The following PDGFRB variants were observed in gnomAD, a reference collection of about 807,000 sequenced individuals.
PDGFRB encodes platelet derived growth factor receptor beta.
PDGFRB carries 42 observed loss-of-function variants against 120.2 expected under a neutral mutation model. That is an observed-to-expected ratio of 0.35 (90% CI 0.27 to 0.45). The LOEUF (loss-of-function observed/expected upper bound fraction) is 0.45, where lower values mean the gene tolerates loss of function less well. PDGFRB is among the 20% of genes least tolerant of loss of function. The pLI is 1.00. For synonymous variants in PDGFRB, 586 were observed against 606.8 expected (o/e 0.97, Z 0.50); for missense variants, 1,149 against 1,476.3 (o/e 0.78, Z 3.63).
chr5:150,143,916 G>A (rs1045952972), intron 1 of PDGFRB, among the ~76,000 whole-genome samples: 3 of 152,068 alleles, frequency 2.0e-5, no homozygotes, highest in South Asian at 2.1e-4. Flanking sequence ...AGAGCAGCCC[G>A]GCGCAGCCCA....
chr5:150,135,987 C>T, intron 2 of PDGFRB, 109 bp from the exon 3 acceptor site: 1 of 676,616 alleles, frequency 1.5e-6, no homozygotes, highest in Non-Finnish European at 2.4e-6. Context: ...CCTTGAGGAG[C>T]ACAGCTCCTT....
chr5:150,121,369 G>T lies in PDGFRB; in HGVS notation c.2345-47C>A, dbSNP rs553040426. 7 of 894,326 alleles carry T rather than the reference G, an allele frequency of 7.8e-6. No individual in the cohort carries two copies. Among genetic ancestry groups the T allele is most frequent in the African/African-American group, 3.3e-5 (2 of 61,322 alleles). The allele number at this position is 894,326 out of a possible 1,614,324, so 55.4% of individuals were successfully genotyped here. ...ACCTGCTATCTTATATCTCCTTCTGGCCCACAGGACCCCTGCCCTTTGGCT... is the reference window on the plus strand; with the variant it reads ...ACCTGCTATCTTATATCTCCTTCTGTCCCACAGGACCCCTGCCCTTTGGCT... On this transcript the variant is annotated intron_variant, in intron 16 of 22. Transcript: ENST00000261799. The surrounding 1 kb of genome is among the most constrained non-coding windows in gnomAD (Gnocchi z 4.1).
chr5:150,131,349 G>A (rs1371051748), intron 8 of PDGFRB, among the ~76,000 whole-genome samples: 7 of 152,060 alleles, frequency 4.6e-5, no homozygotes, highest in African/African-American at 7.2e-5. Context: ...TGCACTGCCC[G>A]AGGTACCCTT....
intron 21 of PDGFRB, among the ~76,000 whole-genome samples, chr5:150,118,252 G>A (rs246393): frequency 2.0e-5 from 3 of 152,108 alleles, no homozygotes; most frequent in Non-Finnish European, 2.9e-5. Flanking sequence ...GTGAGAAATG[G>A]ACCCAAAGAA....
At chr5:150,145,181 C>T (rs1478301121) in intron 1 of PDGFRB, among the ~76,000 whole-genome samples, 1 of 152,240 alleles carries the variant, frequency 6.6e-6, no homozygotes, top group Non-Finnish European at 1.5e-5. Flanking sequence ...TGATCTACTT[C>T]CACTTAATAT....
At chr5:150,117,541 C>T (rs909122253) in intron 22 of PDGFRB, 77 bp downstream of exon 22, 58 of 493,844 alleles carry the variant, frequency 1.2e-4, no homozygotes, top group Admixed American at 1.7e-4. Flanking sequence ...CGCGCGCGCG[C>T]GCGCACACAC....
At chr5:150,130,484 G>T in intron 9 of PDGFRB, 55 bp downstream of exon 9, 1 of 1,576,554 alleles carries the variant, frequency 6.3e-7, no homozygotes, top group South Asian at 1.1e-5. Context: ...TAACCTTCAC[G>T]AGCTTTTTCT....
At chr5:150,137,079 C>A in intron 1 of PDGFRB, 26 bp from the exon 2 acceptor site, 1 of 1,606,574 alleles carries the variant, frequency 6.2e-7, no homozygotes, top group South Asian at 1.1e-5. Context: ...GGAGTCAGGG[C>A]CCAGGGCAGG....
intron 10 of PDGFRB, among the ~76,000 whole-genome samples, chr5:150,128,894 T>C (rs753399108): frequency 6.6e-6 from 1 of 152,102 alleles, no homozygotes; most frequent in Non-Finnish European, 1.5e-5. Flanking sequence ...CAATGAGAAG[T>C]TGGGTCCTCA....
rs1273496275 is a variant in PDGFRB at position 150,155,500 on chromosome 5, G to A, written c.-110C>T. The stretch of plus-strand genomic sequence containing the variant: ...CCCTCTCCCAGTTATCAGAAAGACT[G>A]CTGGTCCCAGAGTGGGTAACAGCTG... On this transcript the variant is annotated 5_prime_UTR_variant, in exon 1 of 23. Coordinates refer to ENST00000261799, the MANE Select transcript of PDGFRB (RefSeq NM_002609.4). The A allele has an allele frequency of 2.5e-6, 1 of 398,390 alleles. No individual in the cohort carries two copies. The highest frequency in any genetic ancestry group is 4.4e-6 in the Non-Finnish European group (1 of 226,040). 24.7% of individuals were successfully genotyped at this position (398,390 alleles called of 1,614,324 possible).
chr5:150,134,690 A>G (rs776297618), intron 4 of PDGFRB, 60 bp downstream of exon 4: 1 of 1,492,072 alleles, frequency 6.7e-7, no homozygotes, highest in South Asian at 1.3e-5. Flanking sequence ...GTAAAGGGCT[A>G]TTCCTCTGTG....
At chr5:150,130,111 C>T (rs1008309773) in intron 9 of PDGFRB, 143 bp from the exon 10 acceptor site, 1 of 684,244 alleles carries the variant, frequency 1.5e-6, no homozygotes, top group South Asian at 1.7e-5. Flanking sequence ...TCCTGTGCTC[C>T]CTCTACTGGT....
At chr5:150,133,530 G>T in intron 6 of PDGFRB, 56 bp downstream of exon 6, 2 of 1,442,508 alleles carry the variant, frequency 1.4e-6, no homozygotes, top group Non-Finnish European at 1.9e-6. Context: ...AGCAAAGTGG[G>T]TGAGGGTGGG....
chr5:150,148,146 C>T (rs373937731), intron 1 of PDGFRB, among the ~76,000 whole-genome samples: 3 of 152,158 alleles, frequency 2.0e-5, no homozygotes, highest in Middle Eastern at 3.2e-3. Flanking sequence ...CTCGGCGATT[C>T]GGTGGCCAAC....
Position 150,124,130 on chromosome 5 carries a change from G to C in PDGFRB, c.2023+120C>G, listed in dbSNP as rs1030965670. 3 of 608,896 alleles carry C rather than the reference G, an allele frequency of 4.9e-6. No individual in the cohort carries two copies. The African/African-American group carries it at 5.6e-5, about 11-fold the overall frequency. 37.7% of individuals were successfully genotyped at this position (608,896 alleles called of 1,614,324 possible). A position where few individuals can be genotyped will look rare whatever the true frequency, so the allele number is the denominator to read the frequency against. On this transcript the variant is annotated intron_variant, in intron 14 of 22. Coordinates refer to ENST00000261799, the MANE Select transcript of PDGFRB (RefSeq NM_002609.4). ...CCGCGCAGTGAGGGCGCTGGAGCGG[G>C]TGGGCACGGACCCTCCAGCAGGAGT...
intron 1 of PDGFRB, among the ~76,000 whole-genome samples, chr5:150,148,200 C>A (rs1207537117): frequency 1.3e-5 from 2 of 152,224 alleles, no homozygotes; most frequent in African/African-American, 2.4e-5. Context: ...TCAATTACTT[C>A]TTTCCTGAAC....
chr5:150,118,806 G>T lies in PDGFRB; in HGVS notation c.2845C>A (p.Pro949Thr). 6.2e-7 allele frequency: 1 copy of T among 1,613,524 alleles called. No homozygotes were observed. Among genetic ancestry groups the T allele is most frequent in the Non-Finnish European group, 8.5e-7 (1 of 1,179,498 alleles). The change falls in exon 21 of 23, where the codon CCC becomes ACC. Residue 949 changes from proline to threonine, a missense_variant. Physicochemically the swap from Pro to Thr is conservative, Grantham distance 38 (BLOSUM62 -1). Around this residue, in one of 3 missense-constraint regions of PDGFRB, gnomAD observed 202 missense variants for 214.3 expected, o/e 0.94. Transcript: ENST00000261799. ...KCWEEKFEIR[P>T]PFSQLVLLLE... Reference sequence around the variant, plus strand: ...AGCAGCACCAGCTGGGAGAAGGGGGGCCGAATCTCAAACTTCTCTTCCCAG... The same window carrying T: ...AGCAGCACCAGCTGGGAGAAGGGGGTCCGAATCTCAAACTTCTCTTCCCAG...
chr5:150,145,173 A>G (rs1760887374), intron 1 of PDGFRB, among the ~76,000 whole-genome samples: 1 of 152,230 alleles, frequency 6.6e-6, no homozygotes, highest in South Asian at 2.1e-4. Flanking sequence ...TTTTTCAGTG[A>G]TCTACTTCCA....
At position 150,129,895 on chromosome 5, in the gene PDGFRB, T is replaced by G. The variant is rs779484502; in HGVS notation, c.1441A>C (p.Thr481Pro). ...EEESQLETNV[T>P]YWEEEQEFEV... ...AACTCCTGCTCCTCCTCCCAGTACG[T>G]CACGTTAGTCTCCAGCTGGCTCTCC... The change falls in exon 10 of 23, where the codon ACG becomes CCG. Residue 481 changes from threonine (T) to proline (P), a missense_variant. Around this residue, in one of 3 missense-constraint regions of PDGFRB, gnomAD observed 879 missense variants for 1,108.6 expected, o/e 0.79. Transcript: ENST00000261799. The G allele has an allele frequency of 6.2e-7, 1 of 1,614,166 alleles. No homozygotes were observed. The highest frequency in any genetic ancestry group is 8.5e-7 in the Non-Finnish European group (1 of 1,180,002).
Sources: gnomAD v4.1 joint callset for allele counts (sites outside exome capture counted in the v4.1 genomes callset) on GRCh38, gnomAD v4.1.1 for gene constraint, gnomAD v4.1.1 regional missense constraint, Gnocchi (gnomAD v3.1) non-coding constraint, MANE v1.5 for transcripts, NCBI Gene and HGNC (gene_info 2026-07-23, HGNC 2026-07-21) for gene names.